The following SNX8 variants were observed in gnomAD, a reference collection of about 807,000 sequenced individuals.
SNX8 encodes the protein sorting nexin-8.
SNX8 carries 25 observed loss-of-function variants against 51.6 expected under a neutral mutation model. The observed-to-expected ratio is 0.48, with a 90% CI of 0.35 to 0.68. The LOEUF is 0.68. SNX8 is among the 30% of genes least tolerant of loss of function. The pLI is 0.00. For missense variants in SNX8, 695 were observed against 624.0 expected (o/e 1.11, Z -1.21); for synonymous variants, 324 against 277.0 (o/e 1.17, Z -1.68).
At chr7:2,279,517 C>G (rs1795862436) in intron 1 of SNX8, among the ~76,000 whole-genome samples, 2 of 152,024 alleles carry the variant, frequency 1.3e-5, no homozygotes, top group South Asian at 2.1e-4. Flanking sequence ...TTGGGGAGAC[C>G]GAGGCAAGAG....
chr7:2,314,461 CG>C, upstream of SNX8: 1 of 1,197,706 alleles, frequency 8.3e-7, no homozygotes, highest in East Asian at 3.5e-5. Context: ...CCGCGCCACC[CG>C]GCCGCGCAGC....
chr7:2,332,170 G>A (rs1266869229), intron 1 of SNX8, among the ~76,000 whole-genome samples: 1 of 151,588 alleles, frequency 6.6e-6, no homozygotes, highest in Non-Finnish European at 1.5e-5. Context: ...TCACACCACT[G>A]TACTCCAGCC....
At chr7:2,338,312 A>G (rs1183445402) in intron 1 of SNX8, among the ~76,000 whole-genome samples, 1 of 152,064 alleles carries the variant, frequency 6.6e-6, no homozygotes, top group African/African-American at 2.4e-5. Flanking sequence ...AATACCAAAA[A>G]TTAGCCGGGC....
chr7:2,275,765 G>T (rs112287914), intron 2 of SNX8, among the ~76,000 whole-genome samples: 1 of 151,976 alleles, frequency 6.6e-6, no homozygotes. Flanking sequence ...TTGGGAGGCC[G>T]AGACAGGCGG....
At chr7:2,350,316 G>A (rs1779112226) in intron 1 of SNX8, among the ~76,000 whole-genome samples, 1 of 152,168 alleles carries the variant, frequency 6.6e-6, no homozygotes, top group Non-Finnish European at 1.5e-5. Flanking sequence ...GGCTCAGGCA[G>A]CCTCTCTCCC....
intron 1 of SNX8, among the ~76,000 whole-genome samples, chr7:2,312,114 G>A (rs999750719): frequency 2.0e-5 from 3 of 152,008 alleles, no homozygotes; most frequent in African/African-American, 7.3e-5. Flanking sequence ...CCCATCTGTG[G>A]ATCCCATCAG....
intron 1 of SNX8, among the ~76,000 whole-genome samples, chr7:2,312,838 C>T (rs928390256): frequency 2.0e-5 from 3 of 152,100 alleles, no homozygotes; most frequent in Admixed American, 2.0e-4. Context: ...CAGGAAGGAA[C>T]ATCCAGAAAT....
intron 1 of SNX8, among the ~76,000 whole-genome samples, chr7:2,304,012 A>C (rs1379073590): frequency 6.6e-6 from 1 of 151,208 alleles, no homozygotes. Context: ...AAAAAATACA[A>C]AAAAATTAGC....
chr7:2,279,976 C>T (rs1373946707), intron 1 of SNX8, among the ~76,000 whole-genome samples: 3 of 152,128 alleles, frequency 2.0e-5, no homozygotes, highest in African/African-American at 4.8e-5. Flanking sequence ...ATACGATCTT[C>T]TAAATGCCCC....
chr7:2,341,454 G>A (rs918659748), intron 1 of SNX8, among the ~76,000 whole-genome samples: 4 of 151,654 alleles, frequency 2.6e-5, no homozygotes, highest in South Asian at 2.1e-4. Context: ...AGCTGAGGTC[G>A]CACTACTGCA....
intron 1 of SNX8, among the ~76,000 whole-genome samples, chr7:2,284,611 G>A (rs1192359863): frequency 1.3e-5 from 2 of 151,128 alleles, no homozygotes; most frequent in East Asian, 4.0e-4. Context: ...TCACCACGTT[G>A]GCCAGGCTGG....
At chr7:2,334,714 A>G (rs1778794254) in intron 1 of SNX8, among the ~76,000 whole-genome samples, 1 of 151,448 alleles carries the variant, frequency 6.6e-6, no homozygotes, top group South Asian at 2.1e-4. Context: ...AACAAAAACA[A>G]AAACAATTAG....
intron 2 of SNX8, 94 bp downstream of exon 2, chr7:2,278,006 G>T: frequency 6.6e-7 from 1 of 1,516,344 alleles, no homozygotes; most frequent in Non-Finnish European, 8.9e-7. Flanking sequence ...TCACCCTTCA[G>T]CCTTCTCCTG....
At chr7:2,301,286 C>T (rs925593002) in intron 1 of SNX8, among the ~76,000 whole-genome samples, 6 of 151,950 alleles carry the variant, frequency 3.9e-5, no homozygotes, top group African/African-American at 2.4e-5. Context: ...GCTGCAGCCC[C>T]ACACCTGGTG....
At chr7:2,312,398 G>A (rs1051027415) in intron 1 of SNX8, among the ~76,000 whole-genome samples, 1 of 152,100 alleles carries the variant, frequency 6.6e-6, no homozygotes, top group African/African-American at 2.4e-5. Flanking sequence ...TCCAATCACA[G>A]CCTACCTGTT....
intron 4 of SNX8, among the ~76,000 whole-genome samples, chr7:2,271,376 G>A (rs999442821): frequency 1.2e-4 from 18 of 152,212 alleles, no homozygotes; most frequent in African/African-American, 3.4e-4. Context: ...AGGCTGTGCC[G>A]CAGCAGCTGG....
At chr7:2,303,359 C>A (rs1188985642) in intron 1 of SNX8, among the ~76,000 whole-genome samples, 2 of 151,372 alleles carry the variant, frequency 1.3e-5, no homozygotes, top group Admixed American at 6.6e-5. Flanking sequence ...CCCAGCCAGC[C>A]GCCCCGTCTG....
intron 1 of SNX8, among the ~76,000 whole-genome samples, chr7:2,349,552 C>G (rs1779100798): frequency 6.6e-6 from 1 of 151,170 alleles, no homozygotes; most frequent in Non-Finnish European, 1.5e-5. Context: ...TCAAGCGATT[C>G]TCCTGCCTCA....
chr7:2,335,011 T>A (rs1778800795), intron 1 of SNX8, among the ~76,000 whole-genome samples: 1 of 150,324 alleles, frequency 6.7e-6, no homozygotes, highest in Non-Finnish European at 1.5e-5. Flanking sequence ...GCCTGTCCAA[T>A]GTGGTGAAAC....
Sources: gnomAD v4.1 joint callset for allele counts (sites outside exome capture counted in the v4.1 genomes callset) on GRCh38, gnomAD v4.1.1 for gene constraint, MANE v1.5 for transcripts, NCBI Gene and HGNC (gene_info 2026-07-23, HGNC 2026-07-21) for gene names.